The following TTC38 variants were observed in gnomAD, a reference collection of about 807,000 sequenced individuals.
TTC38 encodes the protein tetratricopeptide repeat domain 38.
TTC38 carries 64 observed loss-of-function variants against 64.2 expected under a neutral mutation model. That is an observed-to-expected ratio of 1.00 (90% confidence interval 0.81 to 1.23). The LOEUF (loss-of-function observed/expected upper bound fraction) is 1.23, where lower values mean the gene tolerates loss of function less well. Ranked by LOEUF, TTC38 falls within the 50% of genes most tolerant of loss-of-function variation. The probability of loss-of-function intolerance (pLI) is 0.00; values close to 1 mark genes in which losing one functional copy is unlikely to be tolerated. For synonymous variants in TTC38, 254 were observed against 249.3 expected, an observed-to-expected ratio of 1.02 and a Z score of -0.18; for missense variants, 573 against 615.5, an observed-to-expected ratio of 0.93 and a Z score of 0.73.
At position 46,269,036 on chromosome 22, in the gene TTC38, C is replaced by T. The variant is rs766042301; in HGVS notation, c.111+445C>T. Reference sequence around the variant, plus strand: ...CCATGACCTTAGCAATAGATGGCAGCACATCTGTGCACTTTGTACTGGAGG... The same window carrying T: ...CCATGACCTTAGCAATAGATGGCAGTACATCTGTGCACTTTGTACTGGAGG... On this transcript the variant is annotated intron_variant, in intron 2 of 13. Coordinates refer to ENST00000381031, the MANE Select transcript of TTC38 (RefSeq NM_017931.4). 5 of 367,576 alleles carry T rather than the reference C, an allele frequency of 1.4e-5. 1 individual carries two copies. The highest frequency in any genetic ancestry group is 4.1e-5 in the South Asian group (2 of 49,000). 22.8% of individuals were successfully genotyped at this position (367,576 alleles called of 1,614,324 possible).
Position 46,285,238 on chromosome 22 carries a change from C to A in TTC38, c.796-3C>A, listed in dbSNP as rs1348288712. ...TTTAATAAGGAGAACTTTATTCTTCCAGGGCGAATATGAGGCCGCGCTGAC... is the reference window on the plus strand; with the variant it reads ...TTTAATAAGGAGAACTTTATTCTTCAAGGGCGAATATGAGGCCGCGCTGAC... On this transcript the variant is annotated splice_region_variant and splice_polypyrimidine_tract_variant and intron_variant, in intron 8 of 13. Coordinates refer to ENST00000381031, the MANE Select transcript of TTC38 (RefSeq NM_017931.4). 1.9e-6 allele frequency: 3 copies of A among 1,614,044 alleles called. No individual in the cohort carries two copies. The highest frequency in any genetic ancestry group is 4.5e-5 in the East Asian group (2 of 44,890).
Position 46,268,021 on chromosome 22 carries a change from G to T in TTC38, c.-19G>T. Reference sequence around the variant, plus strand: ...GCCCGGGTGCCCAGAGCTCGCGGTGGACTCCGACCCGGCGCAACATGGCCG... The same window carrying T: ...GCCCGGGTGCCCAGAGCTCGCGGTGTACTCCGACCCGGCGCAACATGGCCG... On this transcript the variant is annotated 5_prime_UTR_variant, in exon 1 of 14. Coordinates refer to ENST00000381031, the MANE Select transcript of TTC38 (RefSeq NM_017931.4). The T allele has an allele frequency of 6.5e-7, 1 of 1,531,582 alleles. No individual in the cohort carries two copies. 94.9% of individuals were successfully genotyped at this position (1,531,582 alleles called of 1,614,324 possible). A position where few individuals can be genotyped will look rare whatever the true frequency, so the allele number is the denominator to read the frequency against.
chr22:46,276,726 A>G lies in TTC38; in HGVS notation c.539+1305A>G, dbSNP rs952283609. On this transcript the variant is annotated intron_variant, in intron 5 of 13. Transcript: ENST00000381031. The surrounding 1 kb of genome is among the most constrained non-coding windows in gnomAD (Gnocchi z 4.7). Reference sequence around the variant, plus strand: ...AAGAATATATATATTAAAAATATATATATTAAAAAAATATATATAAAATAC... The same window carrying G: ...AAGAATATATATATTAAAAATATATGTATTAAAAAAATATATATAAAATAC... Among the ~76,000 whole-genome samples, 7 of 145,820 alleles carry G rather than the reference A, an allele frequency of 4.8e-5. No individual in the cohort carries two copies. The highest frequency in any genetic ancestry group is 1.5e-4 in the African/African-American group (6 of 39,944).
rs944197079 is a variant in TTC38, at chr22:46,271,874, T to G, written c.112-461T>G. ...CATCCCTAGCCCTAGAAAGTGTGCCTTGGGTGATGTGTATTTCATTTCTTC... is the reference window on the plus strand; with the variant it reads ...CATCCCTAGCCCTAGAAAGTGTGCCGTGGGTGATGTGTATTTCATTTCTTC... On this transcript the variant is annotated intron_variant, in intron 2 of 13. Coordinates refer to ENST00000381031, the MANE Select transcript of TTC38 (RefSeq NM_017931.4). The surrounding 1 kb of genome is among the most constrained non-coding windows in gnomAD (Gnocchi z 5.5). 1.3e-5 allele frequency among the ~76,000 whole-genome samples: 2 copies of G among 152,230 alleles called. No individual in the cohort carries two copies. Among genetic ancestry groups the G allele is most frequent in the African/African-American group, 4.8e-5 (2 of 41,460 alleles).
rs919974642 is a variant in TTC38, at chr22:46,274,593, T to C, written c.365+524T>C. Among the ~76,000 whole-genome samples, 1 of 152,244 alleles carries C rather than the reference T, an allele frequency of 6.6e-6. No homozygotes were observed. Among genetic ancestry groups the C allele is most frequent in the East Asian group, 1.9e-4 (1 of 5,200 alleles). ...CGACCCTAGCCGATTGTGCAGGGAC[T>C]CAGGGATTCCGAACCCTGAGACTGG... On this transcript the variant is annotated intron_variant, in intron 4 of 13. Transcript: ENST00000381031. This position sits in a 1 kb window ranked among gnomAD's most constrained non-coding sequence, Gnocchi z 4.8.
chr22:46,268,591 G>C lies in TTC38; in HGVS notation c.111G>C (p.Gln37His). 6.2e-7 allele frequency: 1 copy of C among 1,613,876 alleles called. No individual in the cohort carries two copies. Among genetic ancestry groups the C allele is most frequent in the East Asian group, 2.2e-5 (1 of 44,886 alleles). The part of the protein sequence containing the change: ...ACKLFDATLT[Q>H]YVKWTNDKSL... ...AGCTGTTCGATGCCACGCTGACCCAGGTATGCCTGCCGAGAGAGGCCGCGG... is the reference window on the plus strand; with the variant it reads ...AGCTGTTCGATGCCACGCTGACCCACGTATGCCTGCCGAGAGAGGCCGCGG... Residue 37 changes from glutamine to histidine, a missense_variant and splice_region_variant, in exon 2 of 14, where the codon CAG (glutamine) becomes CAC (histidine). By Grantham distance (24) the Gln-to-His change is conservative. This residue lies in a region of TTC38 where 134 missense variants were observed against 126.5 expected (regional missense o/e 1.06). Transcript: ENST00000381031.
chr22:46,269,312 G>A (rs62226994), intron 2 of TTC38: 3,727 of 223,952 alleles, frequency 0.017, 48 homozygotes, highest in Non-Finnish European at 0.022. Flanking sequence ...CCTTCACCTA[G>A]GCTGTGCCAA....
chr22:46,280,219 C>T, intron 6 of TTC38: 1 of 470,566 alleles, frequency 2.1e-6, no homozygotes, highest in Non-Finnish European at 4.4e-6. Flanking sequence ...CAGGAGCAGG[C>T]AGGCGGCAGG....
In TTC38 at chr22:46,271,237, T is replaced by C. The variant is rs1376122291; in HGVS notation, c.112-1098T>C. On this transcript the variant is annotated intron_variant, in intron 2 of 13. Coordinates refer to ENST00000381031, the MANE Select transcript of TTC38 (RefSeq NM_017931.4). This position sits in a 1 kb window ranked among gnomAD's most constrained non-coding sequence, Gnocchi z 5.5. ...AGGAACCTGCCTTTTCTTTCTTTTC[T>C]TTTTTCTTTTTTTTCTTTTTTGAGA... 7.9e-5 allele frequency among the ~76,000 whole-genome samples: 12 copies of C among 152,088 alleles called. No individual in the cohort carries two copies.
At chr22:46,269,436 CTG>C (rs1226129355) in intron 2 of TTC38, 1 of 135,472 alleles carries the variant, frequency 7.4e-6, no homozygotes, top group African/African-American at 2.5e-5. Flanking sequence ...AGTGGGGAAA[CTG>C]AGGCTCAGAG....
At chr22:46,290,908 A>G (rs2077610618) in intron 13 of TTC38, among the ~76,000 whole-genome samples, 1 of 152,106 alleles carries the variant, frequency 6.6e-6, no homozygotes, top group African/African-American at 2.4e-5. Context: ...CCTCAGACAT[A>G]AGTGAAAGGA....
chr22:46,274,859 C>T lies in TTC38; in HGVS notation c.366-389C>T, dbSNP rs767981221. On this transcript the variant is annotated intron_variant, in intron 4 of 13. Coordinates refer to ENST00000381031, the MANE Select transcript of TTC38 (RefSeq NM_017931.4). This position sits in a 1 kb window ranked among gnomAD's most constrained non-coding sequence, Gnocchi z 4.8. ...ACATTTATTTATTTAGAGTTTTGCTCTTGTCGCCCAGGCTGGAATGCAGTG... is the reference window on the plus strand; with the variant it reads ...ACATTTATTTATTTAGAGTTTTGCTTTTGTCGCCCAGGCTGGAATGCAGTG... Among the ~76,000 whole-genome samples, 1 of 151,786 alleles carries T rather than the reference C, an allele frequency of 6.6e-6. No homozygotes were observed. Among genetic ancestry groups the T allele is most frequent in the Non-Finnish European group, 1.5e-5 (1 of 68,002 alleles).
At chr22:46,277,596 C>T (rs1223346555) in intron 5 of TTC38, among the ~76,000 whole-genome samples, 1 of 111,500 alleles carries the variant, frequency 9.0e-6, no homozygotes, top group South Asian at 3.2e-4. Context: ...CAGAGCGAGA[C>T]TCTGTCTCCA....
At position 46,287,303 on chromosome 22, in the gene TTC38, G is replaced by C. The variant is rs1039822999; in HGVS notation, c.916+149G>C. On this transcript the variant is annotated intron_variant, in intron 10 of 13. Coordinates refer to ENST00000381031, the MANE Select transcript of TTC38 (RefSeq NM_017931.4). Reference sequence around the variant, plus strand: ...AGGCCTGGCCACTGCCTTGGGTACCGTTCTGCAGCTGCCTCCCAGCTGGCC... The same window carrying C: ...AGGCCTGGCCACTGCCTTGGGTACCCTTCTGCAGCTGCCTCCCAGCTGGCC... The C allele has an allele frequency of 1.3e-5, 8 of 630,216 alleles. No homozygotes were observed. The African/African-American group carries it at 1.5e-4, about 12-fold the overall frequency. The allele number at this position is 630,216 out of a possible 1,614,324, so 39.0% of individuals were successfully genotyped here.
At chr22:46,277,796 T>C (rs932673662) in intron 5 of TTC38, among the ~76,000 whole-genome samples, 1 of 152,008 alleles carries the variant, frequency 6.6e-6, no homozygotes, top group Non-Finnish European at 1.5e-5. Context: ...CAGGGGACTG[T>C]GTACAGCACT....
chr22:46,289,510 G>T lies in TTC38; in HGVS notation c.1191G>T (p.Leu397=). Reference sequence around the variant, plus strand: ...GGAACCCTGACCGCGTCCTGGAGCTGCTCCTGCCCATCCGCTACCGGATCG... The same window carrying T: ...GGAACCCTGACCGCGTCCTGGAGCTTCTCCTGCCCATCCGCTACCGGATCG... ...EDGNPDRVLE[L]LLPIRYRIVQ... is the part of the protein sequence containing the mutation. Residue 397 remains leucine, a synonymous_variant, in exon 12 of 14, where the codon CTG becomes CTT. Transcript: ENST00000381031. 6.2e-7 allele frequency: 1 copy of T among 1,607,378 alleles called. No homozygotes were observed. Among genetic ancestry groups the T allele is most frequent in the Non-Finnish European group, 8.5e-7 (1 of 1,178,976 alleles).
In TTC38 at chr22:46,289,806, A is replaced by G. The variant is rs762212589; in HGVS notation, c.1243-20A>G. 7 of 1,613,898 alleles carry G rather than the reference A, an allele frequency of 4.3e-6. No individual in the cohort carries two copies. The highest frequency in any genetic ancestry group is 1.3e-5 in the African/African-American group (1 of 75,030). Reference sequence around the variant, plus strand: ...CCATCCTGAGGTACAGGAGACTCACATGCCCGATTGACATTTCAGAGAGAC... The same window carrying G: ...CCATCCTGAGGTACAGGAGACTCACGTGCCCGATTGACATTTCAGAGAGAC... On this transcript the variant is annotated intron_variant, in intron 12 of 13. Transcript: ENST00000381031.
Position 46,273,221 on chromosome 22 carries a change from T to A in TTC38, c.194-677T>A, listed in dbSNP as rs1936933791. ...CCCTGATCAGGGGGCTTCGACCACC[T>A]GAATCATCAGCTGGGCTGGGCTGGG... On this transcript the variant is annotated intron_variant, in intron 3 of 13. Transcript: ENST00000381031. This position sits in a 1 kb window ranked among gnomAD's most constrained non-coding sequence, Gnocchi z 5.1. Among the ~76,000 whole-genome samples the A allele has an allele frequency of 6.6e-6, 1 of 152,190 alleles. No homozygotes were observed.
chr22:46,289,978 A>G lies in TTC38; in HGVS notation c.1316+79A>G, dbSNP rs924899686. ...GACCTCAGGAGTGCCTGGAAGCCCC[A>G]CCACCCTTGGCCCGAGATGCTCCTG... is the stretch of plus-strand genomic sequence containing the variant. On this transcript the variant is annotated intron_variant, in intron 13 of 13. Transcript: ENST00000381031. 2.3e-6 allele frequency: 3 copies of G among 1,311,026 alleles called. No individual in the cohort carries two copies. The Admixed American group carries it at 5.1e-5, about 22-fold the overall frequency. The allele number at this position is 1,311,026 out of a possible 1,614,324, so 81.2% of individuals were successfully genotyped here. A position where few individuals can be genotyped will look rare whatever the true frequency, so the allele number is the denominator to read the frequency against.
Sources: gnomAD v4.1 joint callset for allele counts (sites outside exome capture counted in the v4.1 genomes callset) on GRCh38, gnomAD v4.1.1 for gene constraint, gnomAD v4.1.1 regional missense constraint, Gnocchi (gnomAD v3.1) non-coding constraint, MANE v1.5 for transcripts, NCBI Gene and HGNC (gene_info 2026-07-23, HGNC 2026-07-21) for gene names.